Variants in PRDM11 observed in about 807,000 individuals in gnomAD.
The protein encoded by PRDM11 is PR/SET domain 11, also known as PR domain-containing protein 11.
PRDM11 carries 20 observed loss-of-function variants against 97.8 expected under a neutral mutation model. The observed-to-expected ratio is 0.20, with a 90% CI of 0.14 to 0.30. The LOEUF is 0.30. Ranked by LOEUF, PRDM11 falls within the 10% of genes least tolerant of loss-of-function variation. PRDM11 has a pLI of 1.00. For missense variants in PRDM11, 1,139 were observed against 1,555.2 expected (o/e 0.73, Z 4.50); for synonymous variants, 599 against 637.7 (o/e 0.94, Z 0.91).
intron 1 of PRDM11, among the ~76,000 whole-genome samples, chr11:45,121,855 G>C (rs1852437097): frequency 6.6e-6 from 1 of 152,124 alleles, no homozygotes. Context: ...TGGGCCAAAG[G>C]AAACATTACA....
intron 5 of PRDM11, chr11:45,212,449 CT>C (rs771181204): frequency 9.4e-5 from 35 of 371,466 alleles, no homozygotes; most frequent in Non-Finnish European, 2.7e-5. Context: ...ACTTTTCCAT[CT>C]TTGTTTCTGT....
rs1854310863 is a variant in PRDM11 at position 45,227,736 on chromosome 11, G to A, written c.3111G>A (p.Leu1037=). Residue 1037 remains leucine, a synonymous_variant, in exon 8 of 8, where the codon CTG becomes CTA. Transcript: ENST00000683152. This position sits in a 1 kb window ranked among gnomAD's most constrained non-coding sequence, Gnocchi z 8.0. ...AAGGGCTGGACCCCCGGGGTAGTCT[G>A]TTGATGGAGTGGCGAGAACTCAAGG... The part of the protein sequence containing the change: ...CREGLDPRGS[L]LMEWRELKAD... 1.3e-6 allele frequency: 2 copies of A among 1,533,908 alleles called. No homozygotes were observed. Among genetic ancestry groups the A allele is most frequent in the Non-Finnish European group, 1.7e-6 (2 of 1,146,718 alleles).
intron 1 of PRDM11, among the ~76,000 whole-genome samples, chr11:45,111,193 A>G (rs1057361882): frequency 5.3e-5 from 8 of 152,022 alleles, no homozygotes; most frequent in African/African-American, 1.9e-4. Context: ...TGGAAGATGA[A>G]GATTTATCTT....
At chr11:45,161,877 C>T (rs1851937154) in intron 1 of PRDM11, among the ~76,000 whole-genome samples, 1 of 152,256 alleles carries the variant, frequency 6.6e-6, no homozygotes, top group African/African-American at 2.4e-5. Context: ...GATGCAGACA[C>T]TGAGGCTCCA....
At chr11:45,124,479 T>C (rs908649117) in intron 1 of PRDM11, among the ~76,000 whole-genome samples, 8 of 152,182 alleles carry the variant, frequency 5.3e-5, no homozygotes, top group African/African-American at 9.7e-5. Flanking sequence ...GGCTGTGGGT[T>C]TGTCACAGAT....
chr11:45,193,692 G>A (rs1852993798), intron 4 of PRDM11, among the ~76,000 whole-genome samples: 1 of 152,118 alleles, frequency 6.6e-6, no homozygotes, highest in Admixed American at 6.5e-5. Flanking sequence ...ACAGGTGGTG[G>A]GCTGGAATTA....
At position 45,226,755 on chromosome 11, in the gene PRDM11, C is replaced by A; in HGVS notation, c.2130C>A (p.Asp710Glu). 1.3e-6 allele frequency: 2 copies of A among 1,533,976 alleles called. No homozygotes were observed. The highest frequency in any genetic ancestry group is 1.7e-6 in the Non-Finnish European group (2 of 1,146,730). Reference protein sequence around the residue: ...SSTESYLQALDRAFSALGIRL... With the variant: ...SSTESYLQALERAFSALGIRL... Reference sequence around the variant, plus strand: ...CAGAAAGCTATCTCCAGGCACTTGACCGGGCCTTCTCGGCCTTGGGCATCC... The same window carrying A: ...CAGAAAGCTATCTCCAGGCACTTGAACGGGCCTTCTCGGCCTTGGGCATCC... The change falls in exon 8 of 8, where the codon GAC becomes GAA. Residue 710 changes from aspartate to glutamate, a missense_variant. Coordinates refer to ENST00000683152, the MANE Select transcript of PRDM11 (RefSeq NM_001384648.1).
chr11:45,114,378 A>G (rs1590346252), intron 1 of PRDM11, among the ~76,000 whole-genome samples: 2 of 152,330 alleles, frequency 1.3e-5, no homozygotes, highest in East Asian at 3.9e-4. Flanking sequence ...AGCTTGATAA[A>G]TAGAAAGTAT....
chr11:45,166,111 A>G (rs1252364790), intron 1 of PRDM11, among the ~76,000 whole-genome samples: 1 of 152,262 alleles, frequency 6.6e-6, no homozygotes, highest in Non-Finnish European at 1.5e-5. Context: ...AAGAGTAGTC[A>G]AAAAATGGAA....
intron 1 of PRDM11, among the ~76,000 whole-genome samples, chr11:45,132,367 G>C (rs11038319): frequency 0.43 from 66,055 of 152,002 alleles, 17,321 homozygotes; most frequent in Non-Finnish European, 0.58. Context: ...CATAAACCAA[G>C]CTCTGAACTT....
At chr11:45,197,838 G>A (rs1447819060) in intron 4 of PRDM11, among the ~76,000 whole-genome samples, 4 of 152,010 alleles carry the variant, frequency 2.6e-5, no homozygotes, top group East Asian at 3.9e-4. Context: ...ACTTGGACAC[G>A]GGGTGGGGAA....
chr11:45,203,253 T>G (rs1211221792), intron 4 of PRDM11, among the ~76,000 whole-genome samples: 1 of 152,134 alleles, frequency 6.6e-6, no homozygotes, highest in East Asian at 1.9e-4. Flanking sequence ...TGTCAAAACT[T>G]ATCAAGTTGT....
chr11:45,210,424 T>A (rs370382121), intron 5 of PRDM11, among the ~76,000 whole-genome samples: 2 of 152,322 alleles, frequency 1.3e-5, no homozygotes, highest in East Asian at 3.9e-4. Flanking sequence ...ACTAAAGGCC[T>A]CCGCAGGGAC....
At chr11:45,182,753 C>A in intron 3 of PRDM11, 108 bp from the exon 4 acceptor site, 1 of 1,347,750 alleles carries the variant, frequency 7.4e-7, no homozygotes. Context: ...CTGGGGCCTG[C>A]AGCTGGCTGT....
chr11:45,157,847 A>G (rs1851838864), intron 1 of PRDM11, among the ~76,000 whole-genome samples: 1 of 152,176 alleles, frequency 6.6e-6, no homozygotes, highest in Non-Finnish European at 1.5e-5. Context: ...GGTGCTGGGT[A>G]CAGTTTGGGG....
Position 45,227,933 on chromosome 11 carries a change from G to A in PRDM11, c.3308G>A (p.Arg1103His), listed in dbSNP as rs1854316134. ...CTCCAGCGAGTTCGCAAAAACCACC[G>A]CTCCCGCCTGACCCTGGAGCAGCTT... is the stretch of plus-strand genomic sequence containing the variant. ...NALQRVRKNH[R>H]SRLTLEQLSD... is the part of the protein sequence containing the mutation. Residue 1103 changes from arginine to histidine, a missense_variant, in exon 8 of 8, where the codon CGC (arginine) becomes CAC (histidine). Arg to His is a conservative substitution (Grantham distance 29, BLOSUM62 0). Around this residue, in one of 2 missense-constraint regions of PRDM11, gnomAD observed 710 missense variants for 1,044.9 expected, o/e 0.68. Coordinates refer to ENST00000683152, the MANE Select transcript of PRDM11 (RefSeq NM_001384648.1). The surrounding 1 kb of genome is among the most constrained non-coding windows in gnomAD (Gnocchi z 8.0). The A allele has an allele frequency of 3.3e-6, 5 of 1,533,714 alleles. No individual in the cohort carries two copies. The highest frequency in any genetic ancestry group is 2.0e-5 in the Admixed American group (1 of 50,966).
At chr11:45,104,988 C>T (rs1263439794) in intron 1 of PRDM11, among the ~76,000 whole-genome samples, 1 of 152,198 alleles carries the variant, frequency 6.6e-6, no homozygotes, top group Non-Finnish European at 1.5e-5. Flanking sequence ...TCTGCTTGGG[C>T]AGCTATAACA....
chr11:45,171,262 G>T, intron 1 of PRDM11, among the ~76,000 whole-genome samples: 1 of 152,088 alleles, frequency 6.6e-6, no homozygotes, highest in East Asian at 1.9e-4. Flanking sequence ...AACACGCCCA[G>T]CTAATTGTTG....
intron 1 of PRDM11, among the ~76,000 whole-genome samples, chr11:45,101,567 A>AAGAAGAAGAAGAAGAAGAAGAAGAAGAAG (rs1554963215): frequency 1.0e-5 from 1 of 96,834 alleles, no homozygotes; most frequent in African/African-American, 4.9e-5. Context: ...AAAAAAAAAA[A>AAGAAGAAGAAGAAGAAGAAGAAGAAGAAG]AAGAAGAAGA....
Sources: allele counts gnomAD v4.1 joint callset (sites outside exome capture counted in the v4.1 genomes callset), GRCh38; gene constraint gnomAD v4.1.1; regional missense constraint gnomAD v4.1.1; non-coding constraint Gnocchi (gnomAD v3.1); transcripts MANE v1.5; gene names NCBI Gene and HGNC (gene_info 2026-07-23, HGNC 2026-07-21).